PCSK5: variants seen among roughly 807,000 people sequenced by gnomAD.
The protein encoded by PCSK5 is proprotein convertase subtilisin/kexin type 5, also known as prohormone convertase 5.
Under a neutral mutation model 233.2 loss-of-function variants are expected in PCSK5, and 129 were observed. The ratio of observed to expected loss-of-function variants is 0.55; its 90% CI spans 0.48 to 0.64. The LOEUF (loss-of-function observed/expected upper bound fraction) is 0.64, where lower values mean the gene tolerates loss of function less well. PCSK5 is among the 30% of genes least tolerant of loss of function. The pLI is 0.00. For synonymous variants in PCSK5, 825 were observed against 879.2 expected (o/e 0.94, Z 1.09); for missense variants, 2,076 against 2,430.1 (o/e 0.85, Z 3.06).
At chr9:75,924,938 A>C (rs1308647419) in intron 1 of PCSK5, among the ~76,000 whole-genome samples, 3 of 152,122 alleles carry the variant, frequency 2.0e-5, no homozygotes, top group Admixed American at 6.6e-5. Context: ...CTGCTTTCTC[A>C]TGTGTAGACT....
At chr9:76,289,141 C>T (rs1264154818) in intron 24 of PCSK5, among the ~76,000 whole-genome samples, 1 of 152,074 alleles carries the variant, frequency 6.6e-6, no homozygotes, top group Non-Finnish European at 1.5e-5. Flanking sequence ...CACCCCACCC[C>T]ATACAAATGA....
intron 5 of PCSK5, among the ~76,000 whole-genome samples, chr9:76,033,521 G>A (rs1934127): frequency 0.15 from 22,310 of 151,740 alleles, 1,846 homozygotes; most frequent in South Asian, 0.27. Context: ...TTTACATAAC[G>A]TGGACTACAA....
intron 24 of PCSK5, among the ~76,000 whole-genome samples, chr9:76,253,456 A>G (rs960634248): frequency 6.6e-6 from 1 of 152,194 alleles, no homozygotes; most frequent in African/African-American, 2.4e-5. Flanking sequence ...CATTTCACAG[A>G]TGGGTACTAA....
chr9:76,239,843 C>A (rs1826376579), intron 23 of PCSK5, among the ~76,000 whole-genome samples: 1 of 152,092 alleles, frequency 6.6e-6, no homozygotes, highest in African/African-American at 2.4e-5. Context: ...TTCCCAATTA[C>A]TAGACATGAG....
chr9:76,040,179 G>A (rs531167223), intron 5 of PCSK5, among the ~76,000 whole-genome samples: 1 of 152,116 alleles, frequency 6.6e-6, no homozygotes, highest in Non-Finnish European at 1.5e-5. Context: ...AAGACTGCTC[G>A]GTAGTATGGC....
intron 2 of PCSK5, among the ~76,000 whole-genome samples, chr9:75,936,178 A>G (rs1824047896): frequency 6.6e-6 from 1 of 152,212 alleles, no homozygotes; most frequent in Non-Finnish European, 1.5e-5. Context: ...GTGAGCCATA[A>G]TCTTTCTGCT....
chr9:76,169,599 A>C (rs760159226), intron 12 of PCSK5, 105 bp from the exon 13 acceptor site: 269 of 1,000,214 alleles, frequency 2.7e-4, no homozygotes, highest in Non-Finnish European at 3.8e-4. Flanking sequence ...TCTAGTGCCC[A>C]GCTGAACTTG....
chr9:75,916,567 T>C (rs1371491684), intron 1 of PCSK5, among the ~76,000 whole-genome samples: 1 of 151,298 alleles, frequency 6.6e-6, no homozygotes, highest in Non-Finnish European at 1.5e-5. Context: ...TGAGCTAAGA[T>C]CCAAAAAACG....
chr9:76,321,163 C>A (rs1005612841), intron 30 of PCSK5, among the ~76,000 whole-genome samples: 2 of 152,130 alleles, frequency 1.3e-5, no homozygotes, highest in Non-Finnish European at 2.9e-5. Context: ...TTACCCTAAG[C>A]AGTTCCCAGC....
chr9:76,332,694 T>G, intron 34 of PCSK5, 84 bp downstream of exon 34: 3 of 1,011,770 alleles, frequency 3.0e-6, no homozygotes, highest in Non-Finnish European at 2.9e-6. Context: ...AAACTAAGAT[T>G]CAGAACACTT....
chr9:76,145,581 A>G (rs1823413338), intron 10 of PCSK5, among the ~76,000 whole-genome samples: 1 of 152,186 alleles, frequency 6.6e-6, no homozygotes, highest in South Asian at 2.1e-4. Context: ...TAATACATGC[A>G]TATCAGTTTG....
intron 10 of PCSK5, among the ~76,000 whole-genome samples, chr9:76,135,369 A>G (rs1822926852): frequency 6.6e-6 from 1 of 152,104 alleles, no homozygotes; most frequent in South Asian, 2.1e-4. Flanking sequence ...CCAGTGCCAC[A>G]TTAATAATTA....
At chr9:76,180,087 GTATA>G (rs1554701013) in intron 15 of PCSK5, among the ~76,000 whole-genome samples, 2,847 of 132,576 alleles carry the variant, frequency 0.021, 111 homozygotes, top group African/African-American at 0.076. Flanking sequence ...GTGTGTGTGT[GTATA>G]TATATATATA....
chr9:75,979,866 T>C (rs1348834478), intron 2 of PCSK5, among the ~76,000 whole-genome samples: 2 of 152,244 alleles, frequency 1.3e-5, no homozygotes, highest in Non-Finnish European at 2.9e-5. Flanking sequence ...TTTAACTTTT[T>C]CATCAATAAC....
At chr9:76,105,802 C>T (rs2131676454) in intron 8 of PCSK5, among the ~76,000 whole-genome samples, 1 of 152,288 alleles carries the variant, frequency 6.6e-6, no homozygotes, top group Non-Finnish European at 1.5e-5. Context: ...GTACCCACAC[C>T]TATCTAGTAC....
intron 3 of PCSK5, among the ~76,000 whole-genome samples, chr9:76,006,861 G>C (rs1441954392): frequency 6.6e-6 from 1 of 152,152 alleles, no homozygotes; most frequent in Non-Finnish European, 1.5e-5. Context: ...TTCCCCTGCA[G>C]GTAACCCTTT....
chr9:76,103,249 C>A (rs62558855), intron 8 of PCSK5, among the ~76,000 whole-genome samples: 1 of 152,138 alleles, frequency 6.6e-6, no homozygotes, highest in Non-Finnish European at 1.5e-5. Context: ...GCTTTCTTGG[C>A]ACAATTCTAG....
rs1830385486 is a variant in PCSK5 at position 76,359,386 on chromosome 9, G to A, written c.*464G>A. On this transcript the variant is annotated 3_prime_UTR_variant, in exon 38 of 38. Transcript: ENST00000674117. The stretch of plus-strand genomic sequence containing the variant: ...ACAAAGGAGTTGTTGGTTTGGTGGT[G>A]TTTTTCTTCCCTTTAGCTGTCTTTA... 1 of 163,034 alleles carries A rather than the reference G, an allele frequency of 6.1e-6. No homozygotes were observed. The highest frequency in any genetic ancestry group is 1.4e-5 in the Non-Finnish European group (1 of 73,880). 10.1% of individuals were successfully genotyped at this position (163,034 alleles called of 1,614,324 possible). A position where few individuals can be genotyped will look rare whatever the true frequency, so the allele number is the denominator to read the frequency against.
At chr9:76,060,208 A>G (rs1829976875) in intron 5 of PCSK5, among the ~76,000 whole-genome samples, 1 of 152,218 alleles carries the variant, frequency 6.6e-6, no homozygotes, top group African/African-American at 2.4e-5. Flanking sequence ...GAAAATCTGC[A>G]TATATCTTTT....
Sources: gnomAD v4.1 joint callset for allele counts (sites outside exome capture counted in the v4.1 genomes callset) on GRCh38, gnomAD v4.1.1 for gene constraint, MANE v1.5 for transcripts, NCBI Gene and HGNC (gene_info 2026-07-23, HGNC 2026-07-21) for gene names.